CNTNAP5: variants seen among roughly 807,000 people sequenced by gnomAD.
CNTNAP5 encodes contactin associated protein family member 5, also known as contactin-associated protein-like 5.
CNTNAP5 carries 72 observed loss-of-function variants against 150.2 expected under a neutral mutation model. The ratio of observed to expected loss-of-function variants is 0.48; its 90% CI spans 0.40 to 0.58. The LOEUF (loss-of-function observed/expected upper bound fraction) is 0.58. CNTNAP5 is among the 20% of genes least tolerant of loss of function. The probability of loss-of-function intolerance (pLI) is 0.00; values close to 1 mark genes in which losing one functional copy is unlikely to be tolerated. For synonymous variants in CNTNAP5, 672 were observed against 619.8 expected (o/e 1.08, Z -1.25); for missense variants, 1,636 against 1,626.2 (o/e 1.01, Z -0.10).
intron 11 of CNTNAP5, among the ~76,000 whole-genome samples, chr2:124,574,181 G>T (rs959621414): frequency 6.6e-6 from 1 of 152,050 alleles, no homozygotes; most frequent in Non-Finnish European, 1.5e-5. Flanking sequence ...GTAGAACCCC[G>T]GTGGCAGGTT....
chr2:124,390,817 A>C (rs926653219), intron 3 of CNTNAP5, among the ~76,000 whole-genome samples: 2 of 152,222 alleles, frequency 1.3e-5, no homozygotes, highest in African/African-American at 2.4e-5. Flanking sequence ...TGTGTGATAC[A>C]ATATATAAAA....
chr2:124,540,274 T>C (rs1430306126), intron 10 of CNTNAP5, among the ~76,000 whole-genome samples: 1 of 152,164 alleles, frequency 6.6e-6, no homozygotes, highest in Admixed American at 6.5e-5. Context: ...CAGATGTGGT[T>C]CCCAAGTAAC....
chr2:124,920,975 T>C lies in CNTNAP5; in HGVS notation c.*6687T>C, dbSNP rs1215390940. 1.3e-5 allele frequency among the ~76,000 whole-genome samples: 2 copies of C among 152,058 alleles called. No individual in the cohort carries two copies. The highest frequency in any genetic ancestry group is 2.9e-5 in the Non-Finnish European group (2 of 68,006). ...TCATCTTTTTGTGGAAATGCTGGAG[T>C]CTACCTTTTCCTTTTTATCTTCTGA... On this transcript the variant is annotated 3_prime_UTR_variant, in exon 24 of 24. Transcript: ENST00000682447.
At chr2:124,353,609 C>A (rs1405744160) in intron 3 of CNTNAP5, among the ~76,000 whole-genome samples, 1 of 152,136 alleles carries the variant, frequency 6.6e-6, no homozygotes, top group Non-Finnish European at 1.5e-5. Context: ...TCTCTCCGTG[C>A]ATCTCCATGA....
intron 16 of CNTNAP5, 27 bp from the exon 17 acceptor site, chr2:124,772,772 C>T (rs2104611240): frequency 1.3e-6 from 2 of 1,587,372 alleles, no homozygotes; most frequent in Middle Eastern, 1.7e-4. Context: ...CTCCCTCTAT[C>T]CTTCCTGTTT....
chr2:124,523,083 G>A (rs971476896), intron 8 of CNTNAP5, among the ~76,000 whole-genome samples: 5 of 152,158 alleles, frequency 3.3e-5, no homozygotes, highest in African/African-American at 1.2e-4. Flanking sequence ...CTAGGGTAGA[G>A]ATCATGTGAT....
chr2:124,529,820 A>G (rs1695063499), intron 10 of CNTNAP5, among the ~76,000 whole-genome samples: 1 of 152,134 alleles, frequency 6.6e-6, no homozygotes, highest in Non-Finnish European at 1.5e-5. Context: ...ACCCCTTGCC[A>G]GTCCGTTGTT....
intron 3 of CNTNAP5, among the ~76,000 whole-genome samples, chr2:124,261,656 G>A (rs1047273960): frequency 5.3e-5 from 8 of 152,204 alleles, no homozygotes; most frequent in South Asian, 2.1e-4. Context: ...GCTACCTGCC[G>A]CAGTGTTTGC....
At position 124,788,231 on chromosome 2, in the gene CNTNAP5, T is replaced by C. The variant is rs561503649; in HGVS notation, c.2753-1671T>C. 9.8e-5 allele frequency among the ~76,000 whole-genome samples: 15 copies of C among 152,332 alleles called. No individual in the cohort carries two copies. The East Asian group carries it at 1.7e-3, about 18-fold the overall frequency. On this transcript the variant is annotated intron_variant, in intron 17 of 23. Transcript: ENST00000682447. Reference sequence around the variant, plus strand: ...TGTCTTTCAACACACGTTTTTCTGATATCAGAGGGGTAGGCTGGTGGAAAA... The same window carrying C: ...TGTCTTTCAACACACGTTTTTCTGACATCAGAGGGGTAGGCTGGTGGAAAA...
At chr2:124,564,242 G>A (rs1695959700) in intron 11 of CNTNAP5, among the ~76,000 whole-genome samples, 1 of 152,236 alleles carries the variant, frequency 6.6e-6, no homozygotes, top group East Asian at 1.9e-4. Flanking sequence ...TGAAGGTGAG[G>A]AGGAGTGATA....
At chr2:124,514,826 C>T (rs1394276037) in intron 8 of CNTNAP5, among the ~76,000 whole-genome samples, 1 of 152,178 alleles carries the variant, frequency 6.6e-6, no homozygotes, top group Non-Finnish European at 1.5e-5. Flanking sequence ...ACTATGGAAG[C>T]TTAGCTGCCT....
intron 10 of CNTNAP5, among the ~76,000 whole-genome samples, chr2:124,541,179 A>AGTTTTTTTTTTTTTTTTTTTTTTTTT (rs561235258): frequency 1.2e-5 from 1 of 83,082 alleles, no homozygotes; most frequent in Non-Finnish European, 2.3e-5. Flanking sequence ...CAAAATTCCG[A>AGTTTTTTTTTTTTTTTTTTTTTTTTT]TTTTTTTTTT....
At chr2:124,881,671 GT>G (rs1677967569) in intron 21 of CNTNAP5, among the ~76,000 whole-genome samples, 1 of 152,102 alleles carries the variant, frequency 6.6e-6, no homozygotes, top group African/African-American at 2.4e-5. Flanking sequence ...GATGTCCACA[GT>G]AGTCCACAGC....
At chr2:124,572,405 C>T (rs867101696) in intron 11 of CNTNAP5, among the ~76,000 whole-genome samples, 80 of 151,976 alleles carry the variant, frequency 5.3e-4, no homozygotes, top group South Asian at 4.2e-4. Flanking sequence ...TACAACAAAC[C>T]CCCATGACAC....
At chr2:124,812,363 C>A (rs1280832210) in intron 19 of CNTNAP5, among the ~76,000 whole-genome samples, 1 of 150,756 alleles carries the variant, frequency 6.6e-6, no homozygotes, top group Non-Finnish European at 1.5e-5. Flanking sequence ...GTCCCCCAAC[C>A]CCCCAGTGAT....
In CNTNAP5 at chr2:124,027,230, G is replaced by A. The variant is rs117495310; in HGVS notation, c.82+1498G>A. ...TTTCTTCTTCTGTGGAATTGTTCCC[G>A]TGGTGCTTTAGAAAAAGATCTAAGT... On this transcript the variant is annotated intron_variant, in intron 1 of 23. Transcript: ENST00000682447. 2.7e-3 allele frequency among the ~76,000 whole-genome samples: 415 copies of A among 152,146 alleles called. 8 individuals carry two copies. In the South Asian group the frequency reaches 0.04, roughly 15 times the overall value.
intron 3 of CNTNAP5, among the ~76,000 whole-genome samples, chr2:124,367,858 C>A (rs917242422): frequency 6.6e-6 from 1 of 152,144 alleles, no homozygotes; most frequent in Admixed American, 6.5e-5. Context: ...GAAATCAGTT[C>A]TTGGAAGAGG....
chr2:124,085,849 G>A (rs994947647), intron 1 of CNTNAP5, among the ~76,000 whole-genome samples: 4 of 151,992 alleles, frequency 2.6e-5, no homozygotes, highest in South Asian at 2.1e-4. Flanking sequence ...TTCTATTTCC[G>A]TCAAATAATA....
At chr2:124,098,023 G>T (rs570007910) in intron 1 of CNTNAP5, among the ~76,000 whole-genome samples, 7 of 142,666 alleles carry the variant, frequency 4.9e-5, no homozygotes, top group African/African-American at 1.8e-4. Context: ...GCGAGACTCC[G>T]TCTCAAAAAA....
Sources: gnomAD v4.1 joint callset for allele counts (sites outside exome capture counted in the v4.1 genomes callset) on GRCh38, gnomAD v4.1.1 for gene constraint, MANE v1.5 for transcripts, NCBI Gene and HGNC (gene_info 2026-07-23, HGNC 2026-07-21) for gene names.